The following LRIF1 variants were observed in gnomAD, a reference collection of about 807,000 sequenced individuals.
LRIF1 encodes the protein ligand dependent nuclear receptor interacting factor 1, also known as ligand-dependent nuclear receptor-interacting factor 1.
Under a neutral mutation model 52.7 loss-of-function variants are expected in LRIF1, and 32 were observed. The observed-to-expected ratio is 0.61, with a 90% CI of 0.46 to 0.82. The LOEUF is 0.82. Ranked by LOEUF, LRIF1 falls within the 40% of genes least tolerant of loss-of-function variation. The pLI, the probability that LRIF1 is intolerant of heterozygous loss-of-function variation, is 0.00. For missense variants in LRIF1, 887 were observed against 892.0 expected (o/e 0.99, Z 0.07); for synonymous variants, 323 against 317.4 (o/e 1.02, Z -0.19).
chr1:110,955,369 A>T (rs1322423153), intron 1 of LRIF1, among the ~76,000 whole-genome samples: 1 of 152,214 alleles, frequency 6.6e-6, no homozygotes, highest in African/African-American at 2.4e-5. Context: ...ATACTACAAT[A>T]GCTTCATGAC....
chr1:110,944,897 T>G (rs1044750509), downstream of LRIF1: 11 of 75,304 alleles, frequency 1.5e-4, no homozygotes, highest in African/African-American at 1.6e-4. Context: ...AAGGTTGCTG[T>G]TTTTTTTTTT....
the LRIF1 span, chr1:110,938,525 C>T: frequency 6.6e-6 from 1 of 151,888 alleles, no homozygotes; most frequent in African/African-American, 2.4e-5. Context: ...TGACAAAAAC[C>T]CTCAAAGAAC....
the LRIF1 span, among the ~76,000 whole-genome samples, chr1:110,904,161 C>T: frequency 6.6e-6 from 1 of 152,198 alleles, no homozygotes; most frequent in Non-Finnish European, 1.5e-5. Context: ...GTCCCTGACT[C>T]CCAGACAGCA....
the LRIF1 span, among the ~76,000 whole-genome samples, chr1:110,915,573 C>A: frequency 6.6e-6 from 1 of 152,038 alleles, no homozygotes; most frequent in African/African-American, 2.4e-5. Context: ...ATACCCTCAC[C>A]AACAGCAAAA....
At chr1:110,880,066 T>C in the LRIF1 span, among the ~76,000 whole-genome samples, 1 of 152,186 alleles carries the variant, frequency 6.6e-6, no homozygotes, top group Non-Finnish European at 1.5e-5. Context: ...TGTTGAGTTG[T>C]GGAAGGTAGC....
the LRIF1 span, among the ~76,000 whole-genome samples, chr1:110,920,076 A>G: frequency 6.6e-6 from 1 of 152,188 alleles, no homozygotes; most frequent in Non-Finnish European, 1.5e-5. Context: ...AAACAACCAG[A>G]AGTCTCTCAT....
At chr1:110,879,648 T>A in the LRIF1 span, among the ~76,000 whole-genome samples, 1 of 152,178 alleles carries the variant, frequency 6.6e-6, no homozygotes, top group Non-Finnish European at 1.5e-5. Context: ...ACCAAAGCTG[T>A]CTTATGTGGC....
the LRIF1 span, among the ~76,000 whole-genome samples, chr1:110,887,925 C>T: frequency 1.8e-4 from 28 of 152,290 alleles, no homozygotes; most frequent in African/African-American, 5.3e-4. Flanking sequence ...GTGATTAAAT[C>T]AAACATCTCG....
At chr1:110,925,168 G>C in the LRIF1 span, among the ~76,000 whole-genome samples, 1 of 152,004 alleles carries the variant, frequency 6.6e-6, no homozygotes, top group Non-Finnish European at 1.5e-5. Flanking sequence ...ATTTAACTCA[G>C]TAGTTTTGGG....
chr1:110,876,470 T>A, the LRIF1 span, among the ~76,000 whole-genome samples: 1 of 152,196 alleles, frequency 6.6e-6, no homozygotes, highest in East Asian at 1.9e-4. Context: ...AACATATATT[T>A]TATTTTCCAA....
chr1:110,928,554 A>G, the LRIF1 span, among the ~76,000 whole-genome samples: 3 of 152,186 alleles, frequency 2.0e-5, no homozygotes, highest in African/African-American at 7.2e-5. Flanking sequence ...ACAAACAATA[A>G]TAGAATTAAA....
chr1:110,960,376 A>C (rs1227408753), intron 1 of LRIF1, among the ~76,000 whole-genome samples: 2 of 152,142 alleles, frequency 1.3e-5, no homozygotes, highest in African/African-American at 4.8e-5. Context: ...AACACTGTAC[A>C]CAACAAAATG....
chr1:110,902,517 A>AAAAAAAAAAAAAAAAAAAAAAAAAAAAAG, the LRIF1 span, among the ~76,000 whole-genome samples: 3 of 104,694 alleles, frequency 2.9e-5, no homozygotes, highest in South Asian at 3.4e-4. Flanking sequence ...AAAAAAAAAA[A>AAAAAAAAAAAAAAAAAAAAAAAAAAAAAG]AAAGAAATAC....
rs150403410 is a variant in LRIF1, at chr1:110,953,678, T to C, written c.69-863A>G. Among the ~76,000 whole-genome samples, 204 of 152,346 alleles carry C rather than the reference T, an allele frequency of 1.3e-3. 1 individual carries two copies. Among genetic ancestry groups the C allele is most frequent in the Middle Eastern group, 6.8e-3 (2 of 294 alleles). On this transcript the variant is annotated intron_variant, in intron 1 of 3. Transcript: ENST00000369763. ...GCATAATTAGTTATTTGGAGATTAC[T>C]TGAATGTAAATACCTTACCTTATTT...
At chr1:110,913,787 C>G in the LRIF1 span, among the ~76,000 whole-genome samples, 1 of 152,194 alleles carries the variant, frequency 6.6e-6, no homozygotes, top group East Asian at 1.9e-4. Flanking sequence ...AATCCTATTA[C>G]TGGGTATATA....
At chr1:110,909,930 TC>T in the LRIF1 span, among the ~76,000 whole-genome samples, 1 of 151,326 alleles carries the variant, frequency 6.6e-6, no homozygotes, top group Admixed American at 6.6e-5. Context: ...CCAACAACAA[TC>T]AAAAAGGACA....
the LRIF1 span, among the ~76,000 whole-genome samples, chr1:110,913,702 A>C: frequency 4.6e-5 from 7 of 152,368 alleles, no homozygotes; most frequent in Admixed American, 2.0e-4. Context: ...GAGAATGTAC[A>C]TTAGTTTAGC....
At chr1:110,882,231 C>T in the LRIF1 span, among the ~76,000 whole-genome samples, 5 of 152,104 alleles carry the variant, frequency 3.3e-5, no homozygotes, top group African/African-American at 1.2e-4. Flanking sequence ...TGGATTTTAC[C>T]TTTAGATCTA....
chr1:110,890,253 A>G, the LRIF1 span, among the ~76,000 whole-genome samples: 2 of 152,174 alleles, frequency 1.3e-5, no homozygotes, highest in Non-Finnish European at 2.9e-5. Context: ...TTTATAGAAT[A>G]TCATTACCTC....
Sources: allele counts gnomAD v4.1 joint callset (sites outside exome capture counted in the v4.1 genomes callset), GRCh38; gene constraint gnomAD v4.1.1; transcripts MANE v1.5; gene names NCBI Gene and HGNC (gene_info 2026-07-23, HGNC 2026-07-21).